Variants in LRP1B observed in about 807,000 individuals in gnomAD.
LRP1B encodes low-density lipoprotein receptor-related protein 1B.
Under a neutral mutation model 556.6 loss-of-function variants are expected in LRP1B, and 217 were observed. The observed-to-expected ratio is 0.39, with a 90% CI of 0.35 to 0.44. The LOEUF is 0.44. LRP1B is among the 20% of genes least tolerant of loss of function. The pLI is 1.00. For missense variants in LRP1B, 5,053 were observed against 5,620.8 expected, an observed-to-expected ratio of 0.90 and a Z score of 3.23; for synonymous variants, 2,047 against 1,865.8, an observed-to-expected ratio of 1.10 and a Z score of -2.50.
intron 1 of LRP1B, among the ~76,000 whole-genome samples, chr2:142,015,389 T>C (rs903121673): frequency 4.6e-5 from 7 of 152,174 alleles, no homozygotes; most frequent in African/African-American, 7.2e-5. Flanking sequence ...GATTAAAGAC[T>C]TAAACATAAG....
chr2:142,127,546 C>T (rs578047818), intron 1 of LRP1B, among the ~76,000 whole-genome samples: 2 of 151,996 alleles, frequency 1.3e-5, no homozygotes, highest in African/African-American at 4.8e-5. Context: ...TCTCTTTTCT[C>T]TCTCACTCAG....
In LRP1B at chr2:141,159,951, A is replaced by G. The variant is rs548713574; in HGVS notation, c.1013+28470T>C. 1.2e-3 allele frequency among the ~76,000 whole-genome samples: 184 copies of G among 152,144 alleles called. 1 individual carries two copies. The highest frequency in any genetic ancestry group is 4.0e-3 in the African/African-American group (168 of 41,496). On this transcript the variant is annotated intron_variant, in intron 7 of 90. Coordinates refer to ENST00000389484, the MANE Select transcript of LRP1B (RefSeq NM_018557.3). Reference sequence around the variant, plus strand: ...AGTGGGAACTGAACATTGAGAACACATGGACACAGAGAGGGTAACAACACA... The same window carrying G: ...AGTGGGAACTGAACATTGAGAACACGTGGACACAGAGAGGGTAACAACACA...
chr2:141,816,391 G>C (rs1267735671), intron 1 of LRP1B, among the ~76,000 whole-genome samples: 1 of 152,158 alleles, frequency 6.6e-6, no homozygotes, highest in Non-Finnish European at 1.5e-5. Flanking sequence ...AACTAGACTG[G>C]CTGAGTCTTC....
chr2:140,625,896 C>A (rs1683640692), intron 41 of LRP1B, among the ~76,000 whole-genome samples: 1 of 152,286 alleles, frequency 6.6e-6, no homozygotes, highest in South Asian at 2.1e-4. Flanking sequence ...GAGTTAATAA[C>A]TTATGTCCAA....
chr2:140,322,193 G>A (rs1277973699), intron 81 of LRP1B, 105 bp from the exon 82 acceptor site: 3 of 1,100,744 alleles, frequency 2.7e-6, no homozygotes, highest in Non-Finnish European at 4.0e-6. Context: ...ATGTTGAAAA[G>A]TAATCACATT....
At chr2:140,841,650 T>C (rs1369321744) in intron 29 of LRP1B, among the ~76,000 whole-genome samples, 1 of 152,186 alleles carries the variant, frequency 6.6e-6, no homozygotes, top group African/African-American at 2.4e-5. Context: ...CCCTTCAACG[T>C]GGATTCTGCA....
chr2:140,364,920 A>G, intron 71 of LRP1B, 137 bp from the exon 72 acceptor site: 1 of 626,522 alleles, frequency 1.6e-6, no homozygotes. Context: ...TTTCAAGCAT[A>G]ATACCAGGAA....
chr2:141,381,988 A>G (rs1219096304), intron 3 of LRP1B, among the ~76,000 whole-genome samples: 1 of 150,924 alleles, frequency 6.6e-6, no homozygotes, highest in African/African-American at 2.5e-5. Context: ...AAGTGTGTAG[A>G]CAGACACACA....
chr2:141,055,156 C>T lies in LRP1B; in HGVS notation c.1512G>A (p.Arg504=), dbSNP rs1424130265. ...SSYKTRTCRC[R]TGFNLGSDGR... ...CATCACTTCCCAAGTTGAAGCCAGT[C>T]CTGCAGCGACAAGTCCGAGTTTTGT... is the stretch of plus-strand genomic sequence containing the variant. Residue 504 remains arginine, a synonymous_variant, in exon 10 of 91, where the codon AGG becomes AGA. Coordinates refer to ENST00000389484, the MANE Select transcript of LRP1B (RefSeq NM_018557.3). 1 of 1,612,310 alleles carries T rather than the reference C, an allele frequency of 6.2e-7. No individual in the cohort carries two copies. Among genetic ancestry groups the T allele is most frequent in the Admixed American group, 1.7e-5 (1 of 59,792 alleles).
At chr2:140,455,848 T>C (rs1355390382) in intron 62 of LRP1B, among the ~76,000 whole-genome samples, 3 of 152,212 alleles carry the variant, frequency 2.0e-5, no homozygotes, top group Non-Finnish European at 4.4e-5. Context: ...AGATAGTGGC[T>C]CACGTGTTAC....
Position 140,627,263 on chromosome 2 carries a change from G to A in LRP1B, c.6800-25624C>T, listed in dbSNP as rs1464076979. ...ATTGTTCCTGGATGTGTCTGCGAGG[G>A]TGTTGAAAGATTAACATTTGAGTTG... On this transcript the variant is annotated intron_variant, in intron 41 of 90. Coordinates refer to ENST00000389484, the MANE Select transcript of LRP1B (RefSeq NM_018557.3). Among the ~76,000 whole-genome samples the A allele has an allele frequency of 2.6e-5, 4 of 152,212 alleles. 1 individual carries two copies. In the South Asian group the frequency reaches 8.3e-4, roughly 32 times the overall value.
chr2:141,437,516 G>C (rs1164581629), intron 3 of LRP1B, among the ~76,000 whole-genome samples: 1 of 151,946 alleles, frequency 6.6e-6, no homozygotes, highest in African/African-American at 2.4e-5. Flanking sequence ...TCACCAGCCT[G>C]TATTTATTGA....
At chr2:140,630,347 C>T (rs1329258042) in intron 41 of LRP1B, among the ~76,000 whole-genome samples, 3 of 152,306 alleles carry the variant, frequency 2.0e-5, no homozygotes, top group South Asian at 4.1e-4. Context: ...CACTCCATTT[C>T]GCACAATAAG....
chr2:141,403,184 T>C lies in LRP1B; in HGVS notation c.343+77212A>G, dbSNP rs565689999. Among the ~76,000 whole-genome samples the C allele has an allele frequency of 1.5e-3, 235 of 152,132 alleles. 2 individuals are homozygous for C. The highest frequency in any genetic ancestry group is 5.5e-3 in the African/African-American group (230 of 41,534). On this transcript the variant is annotated intron_variant, in intron 3 of 90. Coordinates refer to ENST00000389484, the MANE Select transcript of LRP1B (RefSeq NM_018557.3). ...AAATAAGCTACTGTCACCTATGTAG[T>C]TGGGGAAAAAAATATCCACTAAACT...
intron 1 of LRP1B, among the ~76,000 whole-genome samples, chr2:142,062,800 T>C (rs2197910): frequency 0.6 from 90,975 of 151,440 alleles, 28,666 homozygotes; most frequent in East Asian, 0.69. Flanking sequence ...AAATATGGTT[T>C]AGAAGTATCA....
chr2:141,887,566 A>G (rs13429414), intron 1 of LRP1B, among the ~76,000 whole-genome samples: 54,179 of 152,050 alleles, frequency 0.36, 11,159 homozygotes, highest in Admixed American at 0.48. Flanking sequence ...GTATGAAACA[A>G]TTAAATTGAA....
chr2:140,991,309 T>C (rs969641702), intron 16 of LRP1B, among the ~76,000 whole-genome samples: 1 of 152,118 alleles, frequency 6.6e-6, no homozygotes, highest in Non-Finnish European at 1.5e-5. Flanking sequence ...GCCAAAACAC[T>C]GAAGGAATAG....
chr2:140,739,592 C>T (rs1415349305), intron 35 of LRP1B, among the ~76,000 whole-genome samples: 1 of 152,122 alleles, frequency 6.6e-6, no homozygotes, highest in Non-Finnish European at 1.5e-5. Context: ...AGTTTCTTAT[C>T]ATGTTCATCA....
chr2:141,091,578 G>A (rs1282307984), intron 7 of LRP1B, among the ~76,000 whole-genome samples: 2 of 152,148 alleles, frequency 1.3e-5, no homozygotes, highest in Non-Finnish European at 1.5e-5. Context: ...CCAAGTCTGA[G>A]TGACTGTGGG....
Sources: allele counts gnomAD v4.1 joint callset (sites outside exome capture counted in the v4.1 genomes callset), GRCh38; gene constraint gnomAD v4.1.1; transcripts MANE v1.5; gene names NCBI Gene and HGNC (gene_info 2026-07-23, HGNC 2026-07-21).